The following CTNNA2 variants were observed in gnomAD, a reference collection of about 807,000 sequenced individuals.
CTNNA2 encodes the protein catenin alpha 2.
CTNNA2 carries 42 observed loss-of-function variants against 101.0 expected under a neutral mutation model. That is an observed-to-expected ratio of 0.42 (90% CI 0.32 to 0.54). The LOEUF (loss-of-function observed/expected upper bound fraction) is 0.54. CTNNA2 is among the 20% of genes least tolerant of loss of function. CTNNA2 has a pLI of 0.14. For missense variants in CTNNA2, 871 were observed against 1,223.1 expected, an observed-to-expected ratio of 0.71 and a Z score of 4.29; for synonymous variants, 450 against 456.4, an observed-to-expected ratio of 0.99 and a Z score of 0.18.
chr2:80,295,949 G>A (rs1198460165), intron 7 of CTNNA2, among the ~76,000 whole-genome samples: 2 of 152,132 alleles, frequency 1.3e-5, no homozygotes, highest in African/African-American at 4.8e-5. Context: ...TGCAGTTCTT[G>A]TATCTCTAGA....
At chr2:80,139,850 T>C (rs1702900685) in intron 7 of CTNNA2, among the ~76,000 whole-genome samples, 1 of 152,168 alleles carries the variant, frequency 6.6e-6, no homozygotes, top group Non-Finnish European at 1.5e-5. Flanking sequence ...AAAGCATGTT[T>C]GCTTGCTCTT....
chr2:79,760,053 A>T (rs1380062571), intron 3 of CTNNA2, among the ~76,000 whole-genome samples: 1 of 152,180 alleles, frequency 6.6e-6, no homozygotes, highest in Non-Finnish European at 1.5e-5. Flanking sequence ...CCTACATTTG[A>T]AACCTGACTC....
intron 18 of CTNNA2, among the ~76,000 whole-genome samples, chr2:80,625,764 T>A (rs1020112223): frequency 6.6e-6 from 1 of 152,240 alleles, no homozygotes; most frequent in African/African-American, 2.4e-5. Context: ...CAGTCATTCA[T>A]ACTTTCATTC....
intron 9 of CTNNA2, among the ~76,000 whole-genome samples, chr2:80,500,138 A>T (rs889799898): frequency 1.3e-5 from 2 of 152,206 alleles, no homozygotes; most frequent in East Asian, 3.9e-4. Context: ...TAGCCATATT[A>T]TGCAGCCCAG....
At chr2:79,947,649 A>C (rs1688591980) in intron 7 of CTNNA2, among the ~76,000 whole-genome samples, 1 of 152,200 alleles carries the variant, frequency 6.6e-6, no homozygotes, top group African/African-American at 2.4e-5. Flanking sequence ...GCTACTTGTC[A>C]TGGTATTGTT....
chr2:80,426,533 T>A (rs1475143025), intron 9 of CTNNA2, among the ~76,000 whole-genome samples: 1 of 152,136 alleles, frequency 6.6e-6, no homozygotes, highest in Non-Finnish European at 1.5e-5. Flanking sequence ...CTCTTTTATC[T>A]GCCTGGCCCT....
At chr2:80,393,175 A>T in intron 7 of CTNNA2, 36 bp from the exon 8 acceptor site, 4 of 1,502,544 alleles carry the variant, frequency 2.7e-6, no homozygotes, top group Non-Finnish European at 3.6e-6. Context: ...AACATTGAAT[A>T]TGCTAAATCA....
intron 1 of CTNNA2, among the ~76,000 whole-genome samples, chr2:79,521,944 G>A (rs901539969): frequency 1.3e-5 from 2 of 152,118 alleles, no homozygotes; most frequent in Admixed American, 1.3e-4. Context: ...AAGCACATTG[G>A]GGCCCATGGA....
intron 9 of CTNNA2, among the ~76,000 whole-genome samples, chr2:80,525,669 A>G (rs1316127252): frequency 2.6e-5 from 4 of 152,110 alleles, no homozygotes; most frequent in African/African-American, 7.2e-5. Flanking sequence ...AATGTATTTT[A>G]TGCTAGGGTT....
intron 3 of CTNNA2, among the ~76,000 whole-genome samples, chr2:79,352,559 T>C (rs906519305): frequency 5.3e-5 from 8 of 152,308 alleles, no homozygotes; most frequent in Middle Eastern, 3.4e-3. Flanking sequence ...TGTTCTTTTG[T>C]ATGGATTTTT....
At chr2:80,576,898 G>A (rs867808218) in intron 13 of CTNNA2, among the ~76,000 whole-genome samples, 11 of 151,908 alleles carry the variant, frequency 7.2e-5, no homozygotes, top group Admixed American at 2.0e-4. Flanking sequence ...CCTGGGAGGC[G>A]GAGGTTACAG....
chr2:80,055,259 C>A (rs1226858782), intron 7 of CTNNA2, among the ~76,000 whole-genome samples: 39 of 152,052 alleles, frequency 2.6e-4, no homozygotes. Context: ...GAGCTCCTAG[C>A]CCCAAAGGAT....
intron 2 of CTNNA2, among the ~76,000 whole-genome samples, chr2:79,712,454 T>C (rs987063717): frequency 3.9e-5 from 6 of 152,232 alleles, no homozygotes; most frequent in Non-Finnish European, 8.8e-5. Flanking sequence ...GAGTAATGTA[T>C]GTATTAAGTT....
At chr2:79,622,939 G>A (rs564173829) in intron 1 of CTNNA2, among the ~76,000 whole-genome samples, 29 of 152,246 alleles carry the variant, frequency 1.9e-4, no homozygotes, top group Admixed American at 1.4e-3. Flanking sequence ...TCCTTTCTTA[G>A]AATAGCATCT....
At chr2:79,669,977 C>A (rs1682715234) in intron 2 of CTNNA2, among the ~76,000 whole-genome samples, 1 of 152,172 alleles carries the variant, frequency 6.6e-6, no homozygotes, top group South Asian at 2.1e-4. Context: ...GACCCCAACC[C>A]CACTCCAAGA....
intron 3 of CTNNA2, among the ~76,000 whole-genome samples, chr2:79,825,486 A>G (rs1377592083): frequency 1.3e-5 from 2 of 152,080 alleles, no homozygotes; most frequent in Admixed American, 6.5e-5. Flanking sequence ...TGAAAGATGA[A>G]TTCGAATTAT....
chr2:79,314,388 A>G (rs1021872625), intron 3 of CTNNA2, among the ~76,000 whole-genome samples: 5 of 152,224 alleles, frequency 3.3e-5, no homozygotes, highest in African/African-American at 7.2e-5. Context: ...TTTTAGGTCC[A>G]TGGTATCTGG....
At chr2:79,217,656 C>T (rs1311197396) in intron 2 of CTNNA2, among the ~76,000 whole-genome samples, 1 of 152,262 alleles carries the variant, frequency 6.6e-6, no homozygotes, top group African/African-American at 2.4e-5. Context: ...TGGATGTGTA[C>T]GTGCAGGTCA....
intron 3 of CTNNA2, among the ~76,000 whole-genome samples, chr2:79,801,426 G>T (rs1356702098): frequency 6.6e-6 from 1 of 152,188 alleles, no homozygotes; most frequent in African/African-American, 2.4e-5. Flanking sequence ...GCTCTTTAGA[G>T]AAACTGGAAA....
Sources: allele counts gnomAD v4.1 joint callset (sites outside exome capture counted in the v4.1 genomes callset), GRCh38; gene constraint gnomAD v4.1.1; transcripts MANE v1.5; gene names NCBI Gene and HGNC (gene_info 2026-07-23, HGNC 2026-07-21).